Variants in CEP112 observed in about 807,000 individuals in gnomAD.
CEP112 encodes the protein centrosomal protein 112.
CEP112 carries 127 observed loss-of-function variants against 153.0 expected under a neutral mutation model. That is an observed-to-expected ratio of 0.83 (90% CI 0.72 to 0.96). The LOEUF is 0.96. Among genes scored for constraint, CEP112 ranks in the 40% least tolerant of loss-of-function variants. The pLI is 0.00. For missense variants in CEP112, 1,089 were observed against 1,101.2 expected (o/e 0.99, Z 0.16); for synonymous variants, 358 against 374.4 (o/e 0.96, Z 0.51).
intron 20 of CEP112, among the ~76,000 whole-genome samples, chr17:65,881,244 C>T (rs945220614): frequency 1.3e-5 from 2 of 152,028 alleles, no homozygotes; most frequent in African/African-American, 4.8e-5. Context: ...CCCAAACAAA[C>T]CCCCACAAAA....
intron 21 of CEP112, among the ~76,000 whole-genome samples, chr17:65,751,511 T>G (rs1417036175): frequency 1.3e-5 from 2 of 152,198 alleles, no homozygotes; most frequent in East Asian, 1.9e-4. Context: ...TCTGAACTTG[T>G]GTCCTTTACT....
chr17:65,876,069 C>T (rs918335301), intron 20 of CEP112, among the ~76,000 whole-genome samples: 3 of 152,138 alleles, frequency 2.0e-5, no homozygotes, highest in Non-Finnish European at 2.9e-5. Context: ...TATCTAGAGT[C>T]TTCTTCCTCA....
chr17:66,164,620 G>T (rs1269004769), intron 4 of CEP112, among the ~76,000 whole-genome samples: 1 of 151,074 alleles, frequency 6.6e-6, no homozygotes, highest in Non-Finnish European at 1.5e-5. Context: ...CACTTTGGGA[G>T]GCCGAGGCAT....
intron 16 of CEP112, among the ~76,000 whole-genome samples, chr17:66,016,795 T>C (rs2064795038): frequency 6.6e-6 from 1 of 152,082 alleles, no homozygotes; most frequent in Non-Finnish European, 1.5e-5. Context: ...ACAGTTGAGA[T>C]TTACGCCTTT....
intron 23 of CEP112, among the ~76,000 whole-genome samples, chr17:65,728,740 T>C (rs943344254): frequency 6.6e-6 from 1 of 152,130 alleles, no homozygotes; most frequent in Non-Finnish European, 1.5e-5. Context: ...GTATAAAAGA[T>C]ACAAAATGGT....
intron 17 of CEP112, among the ~76,000 whole-genome samples, chr17:65,993,696 T>A (rs985136951): frequency 7.9e-5 from 12 of 152,236 alleles, no homozygotes; most frequent in African/African-American, 2.9e-4. Context: ...CACAACAATA[T>A]AAATGAATCT....
intron 6 of CEP112, among the ~76,000 whole-genome samples, chr17:66,109,123 T>C (rs1209406638): frequency 1.3e-5 from 2 of 151,908 alleles, no homozygotes; most frequent in East Asian, 1.9e-4. Context: ...TTGGGAAGGA[T>C]AGAGGGGGTT....
At chr17:65,866,722 T>G (rs2058498439) in intron 20 of CEP112, among the ~76,000 whole-genome samples, 1 of 152,052 alleles carries the variant, frequency 6.6e-6, no homozygotes. Context: ...TGCTGAGAGC[T>G]GAACACTCAT....
intron 21 of CEP112, among the ~76,000 whole-genome samples, chr17:65,789,625 AT>A (rs920419537): frequency 1.7e-4 from 24 of 143,738 alleles, no homozygotes; most frequent in South Asian, 2.2e-4. Context: ...TTTTTGTCCC[AT>A]TTTTTTTTTC....
At chr17:65,901,299 T>C (rs1404400929) in intron 20 of CEP112, among the ~76,000 whole-genome samples, 3 of 152,218 alleles carry the variant, frequency 2.0e-5, no homozygotes, top group African/African-American at 7.2e-5. Context: ...TATGTTTTTA[T>C]TAGAAAAGAA....
chr17:65,899,879 GT>G (rs1449514137), intron 20 of CEP112, among the ~76,000 whole-genome samples: 1 of 152,064 alleles, frequency 6.6e-6, no homozygotes, highest in Non-Finnish European at 1.5e-5. Context: ...TATTTAATAC[GT>G]TTGTTCTGCA....
rs1300654797 is a variant in CEP112, at chr17:65,794,174, T to C, written c.2395-43450A>G. ...AGTAATAAAAAGCTGTATTGGCATGTATAGTCTTCTGTTGTAGGGTAAACT... is the reference window on the plus strand; with the variant it reads ...AGTAATAAAAAGCTGTATTGGCATGCATAGTCTTCTGTTGTAGGGTAAACT... On this transcript the variant is annotated intron_variant, in intron 21 of 26. Coordinates refer to ENST00000535342, the MANE Select transcript of CEP112 (RefSeq NM_001199165.4). Among the ~76,000 whole-genome samples, 4 of 152,224 alleles carry C rather than the reference T, an allele frequency of 2.6e-5. No homozygotes were observed. The East Asian group carries it at 7.7e-4, about 29-fold the overall frequency.
chr17:66,053,931 T>C, intron 11 of CEP112, 52 bp from the exon 12 acceptor site: 2 of 1,495,322 alleles, frequency 1.3e-6, no homozygotes, highest in Non-Finnish European at 9.1e-7. Context: ...AATTGACTAT[T>C]TTGTAATTCA....
At chr17:66,025,920 T>TGCATACACACACACAC (rs10529626) in intron 16 of CEP112, among the ~76,000 whole-genome samples, 4 of 124,520 alleles carry the variant, frequency 3.2e-5, no homozygotes, top group African/African-American at 1.2e-4. Context: ...AAATGTGGCA[T>TGCATACACACACACAC]ACACACACAC....
At chr17:65,743,815 G>A (rs1278819986) in intron 22 of CEP112, among the ~76,000 whole-genome samples, 6 of 151,640 alleles carry the variant, frequency 4.0e-5, no homozygotes, top group African/African-American at 1.5e-4. Context: ...AGGCTGGAGT[G>A]CAATGGCGTG....
At chr17:65,812,073 G>T (rs747862368) in intron 21 of CEP112, among the ~76,000 whole-genome samples, 5 of 151,438 alleles carry the variant, frequency 3.3e-5, no homozygotes, top group Non-Finnish European at 1.5e-5. Flanking sequence ...GCTTGATCTC[G>T]GCTTACTGCA....
intron 21 of CEP112, among the ~76,000 whole-genome samples, chr17:65,793,947 G>A (rs924150099): frequency 6.6e-6 from 1 of 152,096 alleles, no homozygotes; most frequent in African/African-American, 2.4e-5. Flanking sequence ...CAGTGATTAT[G>A]GAAAAGAACT....
At chr17:65,723,431 C>T (rs1376315610) in intron 23 of CEP112, among the ~76,000 whole-genome samples, 4 of 152,070 alleles carry the variant, frequency 2.6e-5, no homozygotes. Flanking sequence ...AAAAATGATT[C>T]ACTGTATTAA....
At chr17:65,901,447 A>G (rs1374489103) in intron 20 of CEP112, among the ~76,000 whole-genome samples, 2 of 152,310 alleles carry the variant, frequency 1.3e-5, no homozygotes, top group South Asian at 4.1e-4. Context: ...TACACATCCA[A>G]TAAGATTTCT....
Sources: gnomAD v4.1 joint callset for allele counts (sites outside exome capture counted in the v4.1 genomes callset) on GRCh38, gnomAD v4.1.1 for gene constraint, MANE v1.5 for transcripts, NCBI Gene and HGNC (gene_info 2026-07-23, HGNC 2026-07-21) for gene names.